Variants in SYNE1 observed in about 807,000 individuals in gnomAD.
SYNE1 encodes nesprin-1.
Under a neutral mutation model 1,111.0 loss-of-function variants are expected in SYNE1, and 616 were observed. The observed-to-expected ratio is 0.55, with a 90% CI of 0.52 to 0.59. The LOEUF (loss-of-function observed/expected upper bound fraction) is 0.59, where lower values mean the gene tolerates loss of function less well. Among genes scored for constraint, SYNE1 ranks in the 20% least tolerant of loss-of-function variants. The pLI, the probability that SYNE1 is intolerant of heterozygous loss-of-function variation, is 0.00. For synonymous variants in SYNE1, 3,855 were observed against 3,825.8 expected (o/e 1.01, Z -0.28); for missense variants, 10,006 against 10,417.0 (o/e 0.96, Z 1.72).
chr6:152,218,897 C>G, intron 120 of SYNE1, 106 bp downstream of exon 120: 1 of 1,212,146 alleles, frequency 8.2e-7, no homozygotes, highest in Non-Finnish European at 1.2e-6. Context: ...TTTCTTGAGT[C>G]TTGAAGGAGG....
intron 95 of SYNE1, among the ~76,000 whole-genome samples, chr6:152,292,016 G>GT (rs2094629319): frequency 6.6e-6 from 1 of 152,142 alleles, no homozygotes; most frequent in South Asian, 2.1e-4. Context: ...GAGGTGCAGG[G>GT]AACAGCTGGA....
intron 98 of SYNE1, among the ~76,000 whole-genome samples, chr6:152,276,261 C>T (rs532718687): frequency 9.9e-4 from 150 of 152,130 alleles, no homozygotes; most frequent in African/African-American, 3.4e-3. Flanking sequence ...TCTCAAACTC[C>T]CGACCTCAGG....
rs749067257 is a variant in SYNE1 at position 152,352,348 on chromosome 6, C to A, written c.11259G>T (p.Leu3753Phe). The A allele has an allele frequency of 5.0e-6, 8 of 1,613,628 alleles. No homozygotes were observed. The highest frequency in any genetic ancestry group is 5.9e-6 in the Non-Finnish European group (7 of 1,179,924). The change falls in exon 70 of 146, where the codon TTG (leucine) becomes TTT (phenylalanine). Residue 3753 changes from leucine (L) to phenylalanine (F), a missense_variant. This residue lies in a region of SYNE1 where 4,955 missense variants were observed against 5,017.2 expected (regional missense o/e 0.99). Coordinates refer to ENST00000367255, the MANE Select transcript of SYNE1 (RefSeq NM_182961.4). Reference sequence around the variant, plus strand: ...TGTGACCTTTCTCCATGTCTTTGAGCAAAACCTGAAAAAGAGAGTGAGTAG... The same window carrying A: ...TGTGACCTTTCTCCATGTCTTTGAGAAAAACCTGAAAAAGAGAGTGAGTAG... ...MGKKLKTLEV[L>F]LKDMEKGHSL...
intron 3 of SYNE1, among the ~76,000 whole-genome samples, chr6:152,606,109 A>G (rs1173995948): frequency 6.6e-6 from 1 of 152,176 alleles, no homozygotes; most frequent in Non-Finnish European, 1.5e-5. Context: ...CTTGGAGAGA[A>G]AAAGCCACAG....
chr6:152,302,191 T>A (rs1352070606), intron 91 of SYNE1, 128 bp from the exon 92 acceptor site: 2 of 1,272,626 alleles, frequency 1.6e-6, no homozygotes, highest in African/African-American at 2.9e-5. Flanking sequence ...AGGCAGGATG[T>A]GTAGGCGGCG....
At chr6:152,509,796 A>G (rs1037996929) in intron 8 of SYNE1, among the ~76,000 whole-genome samples, 14 of 152,224 alleles carry the variant, frequency 9.2e-5, no homozygotes, top group African/African-American at 3.4e-4. Context: ...CTTAGTTCAC[A>G]CAGTTCTTAA....
intron 6 of SYNE1, among the ~76,000 whole-genome samples, chr6:152,516,323 G>T (rs1448728838): frequency 2.0e-5 from 3 of 152,154 alleles, no homozygotes; most frequent in African/African-American, 7.2e-5. Flanking sequence ...CACTACTTTT[G>T]GTGCTTAGCA....
At chr6:152,317,234 C>CTTTTTTTTTTTTTTTTTT (rs61399339) in intron 86 of SYNE1, among the ~76,000 whole-genome samples, 1 of 135,906 alleles carries the variant, frequency 7.4e-6, no homozygotes, top group Non-Finnish European at 1.6e-5. Context: ...TTTCTTTTTT[C>CTTTTTTTTTTTTTTTTTT]TTTTTTTTTT....
chr6:152,199,313 A>G (rs1322301410), intron 127 of SYNE1, among the ~76,000 whole-genome samples: 1 of 152,116 alleles, frequency 6.6e-6, no homozygotes, highest in Non-Finnish European at 1.5e-5. Context: ...ATTTTTAAAA[A>G]CAGACACCTA....
intron 87 of SYNE1, among the ~76,000 whole-genome samples, chr6:152,312,209 C>CT (rs990813989): frequency 6.7e-4 from 54 of 80,212 alleles, no homozygotes; most frequent in African/African-American, 1.2e-3. Context: ...ATATATTTAT[C>CT]TTTTTTTTTT....
Position 152,462,772 on chromosome 6 carries a change from A to T in SYNE1, c.2216T>A (p.Phe739Tyr), listed in dbSNP as rs757590250. 2.5e-6 allele frequency: 4 copies of T among 1,614,046 alleles called. No homozygotes were observed. In the South Asian group the frequency reaches 4.4e-5, roughly 18 times the overall value. ...TTGAATTAATAGCTTGACATTCATA[A>T]AAGAGACTTCTAAGGGTTCAGAAAG... is the stretch of plus-strand genomic sequence containing the variant. Reference protein sequence around the residue: ...KKLSEPLEVSFMNVKLLIQDL... With the variant: ...KKLSEPLEVSYMNVKLLIQDL... The change falls in exon 20 of 146, where the codon TTT (phenylalanine) becomes TAT (tyrosine). Residue 739 changes from phenylalanine (F) to tyrosine (Y), a missense_variant. Around this residue, in one of 7 missense-constraint regions of SYNE1, gnomAD observed 1,971 missense variants for 2,084.1 expected, o/e 0.95. Transcript: ENST00000367255.
chr6:152,303,962 T>G (rs2095291491), intron 91 of SYNE1, among the ~76,000 whole-genome samples: 1 of 152,220 alleles, frequency 6.6e-6, no homozygotes, highest in Non-Finnish European at 1.5e-5. Context: ...TGTTTCTTCC[T>G]GCCCAACTGA....
chr6:152,214,479 A>G (rs1360344044), intron 122 of SYNE1, among the ~76,000 whole-genome samples: 1 of 152,228 alleles, frequency 6.6e-6, no homozygotes, highest in Non-Finnish European at 1.5e-5. Flanking sequence ...TATGGTGTGA[A>G]TGTATCCCTT....
chr6:152,524,140 A>G (rs2099153016), intron 5 of SYNE1, among the ~76,000 whole-genome samples: 1 of 152,090 alleles, frequency 6.6e-6, no homozygotes, highest in African/African-American at 2.4e-5. Flanking sequence ...TCTCAAGGGG[A>G]ATGTTTTCAA....
chr6:152,326,516 C>G lies in SYNE1; in HGVS notation c.15073G>C (p.Val5025Leu). The change falls in exon 79 of 146, where the codon GTG becomes CTG. Residue 5025 changes from valine (V) to leucine (L), a missense_variant. Physicochemically the swap from Val to Leu is conservative, Grantham distance 32. This residue lies in a region of SYNE1 where 4,955 missense variants were observed against 5,017.2 expected (regional missense o/e 0.99). Coordinates refer to ENST00000367255, the MANE Select transcript of SYNE1 (RefSeq NM_182961.4). ...TTGAGATTTTCCTCTGCGCTCTCCA[C>G]GTCTAGGCCATTGCCTGCCAGCTGT... ...LLQLAGNGLD[V>L]ESAEENLKSH... The G allele has an allele frequency of 6.2e-7, 1 of 1,614,194 alleles. No homozygotes were observed. Among genetic ancestry groups the G allele is most frequent in the South Asian group, 1.1e-5 (1 of 91,086 alleles).
intron 131 of SYNE1, among the ~76,000 whole-genome samples, chr6:152,156,773 G>A (rs576917780): frequency 6.6e-6 from 1 of 151,780 alleles, no homozygotes; most frequent in East Asian, 1.9e-4. Flanking sequence ...CCAAGGGCCT[G>A]TATATATGCA....
Position 152,152,079 on chromosome 6 carries a change from G to GC in SYNE1, c.24191dup (p.Arg8065ProfsTer9). On this transcript the variant is annotated frameshift_variant, in exon 134 of 146. Coordinates refer to ENST00000367255, the MANE Select transcript of SYNE1 (RefSeq NM_182961.4). LOFTEE classifies it high-confidence loss of function. Reference sequence around the variant, plus strand: ...CAGTGCGGTTCTCCCTGGCCAGGCGGCGGTACTGCTTGTTGATCAGTTCCA... The same window carrying GC: ...CAGTGCGGTTCTCCCTGGCCAGGCGGCCGGTACTGCTTGTTGATCAGTTCCA... The GC allele has an allele frequency of 6.2e-7, 1 of 1,614,186 alleles. No homozygotes were observed. Among genetic ancestry groups the GC allele is most frequent in the Non-Finnish European group, 8.5e-7 (1 of 1,180,036 alleles).
In SYNE1 at chr6:152,254,974, C is replaced by A; in HGVS notation, c.19376G>T (p.Gly6459Val). The change falls in exon 104 of 146, where the codon GGT becomes GTT. Residue 6459 changes from glycine (G) to valine (V), a missense_variant. Physicochemically the swap from Gly to Val is moderately radical, Grantham distance 109. Coordinates refer to ENST00000367255, the MANE Select transcript of SYNE1 (RefSeq NM_182961.4). The part of the protein sequence containing the change: ...DNRDVIEDTL[G>V]CLLGRLSLLD... ...CAAGGATAACCTGCCCAAAAGACAACCCAAAGTATCTTCAATAACATCTCG... is the reference window on the plus strand; with the variant it reads ...CAAGGATAACCTGCCCAAAAGACAAACCAAAGTATCTTCAATAACATCTCG... 1 of 1,613,980 alleles carries A rather than the reference C, an allele frequency of 6.2e-7. No homozygotes were observed. Among genetic ancestry groups the A allele is most frequent in the South Asian group, 1.1e-5 (1 of 91,076 alleles).
intron 81 of SYNE1, among the ~76,000 whole-genome samples, chr6:152,324,830 T>A (rs1240969955): frequency 6.6e-6 from 1 of 152,164 alleles, no homozygotes; most frequent in Non-Finnish European, 1.5e-5. Context: ...TGGGGCAAAA[T>A]GGGCTTGTTC....
Sources: gnomAD v4.1 joint callset for allele counts (sites outside exome capture counted in the v4.1 genomes callset) on GRCh38, gnomAD v4.1.1 for gene constraint, gnomAD v4.1.1 regional missense constraint, MANE v1.5 for transcripts, NCBI Gene and HGNC (gene_info 2026-07-23, HGNC 2026-07-21) for gene names.